The following RBMS3 variants were observed in gnomAD, a reference collection of about 807,000 sequenced individuals.
RBMS3 encodes the protein RNA binding motif single stranded interacting protein 3.
Under a neutral mutation model 66.8 loss-of-function variants are expected in RBMS3, and 27 were observed. That is an observed-to-expected ratio of 0.40 (90% CI 0.30 to 0.56). RBMS3 has a LOEUF of 0.56. Among genes scored for constraint, RBMS3 ranks in the 20% least tolerant of loss-of-function variants. The pLI is 0.40. For missense variants in RBMS3, 513 were observed against 549.5 expected, an observed-to-expected ratio of 0.93 and a Z score of 0.66; for synonymous variants, 188 against 183.0, an observed-to-expected ratio of 1.03 and a Z score of -0.22.
intron 12 of RBMS3, among the ~76,000 whole-genome samples, chr3:29,950,574 T>G (rs989465654): frequency 7.2e-5 from 11 of 151,864 alleles, no homozygotes; most frequent in Non-Finnish European, 1.5e-5. Flanking sequence ...GCCAGAGGCA[T>G]GCGAGAGACA....
At chr3:29,681,725 G>C (rs2051506059) in intron 4 of RBMS3, among the ~76,000 whole-genome samples, 1 of 152,280 alleles carries the variant, frequency 6.6e-6, no homozygotes, top group South Asian at 2.1e-4. Context: ...TGGTGTATAT[G>C]TACCACATTT....
Position 29,535,706 on chromosome 3 carries a change from T to A in RBMS3, c.307+47207T>A, listed in dbSNP as rs535473203. 2.1e-3 allele frequency among the ~76,000 whole-genome samples: 290 copies of A among 138,854 alleles called. 2 individuals are homozygous for A. The highest frequency in any genetic ancestry group is 7.6e-3 in the African/African-American group (280 of 36,634). The allele number at this position is 138,854 out of a possible 152,430, so 91.1% of individuals were successfully genotyped here. On this transcript the variant is annotated intron_variant, in intron 3 of 14. Coordinates refer to ENST00000383767, the MANE Select transcript of RBMS3 (RefSeq NM_001003793.3). ...GTATGAGTTCAATGATTGAGATCAT[T>A]GCTCTTTTTTTTTTTTTTTTTTTTT...
intron 6 of RBMS3, among the ~76,000 whole-genome samples, chr3:29,780,039 G>A (rs1426256521): frequency 6.6e-6 from 1 of 151,660 alleles, no homozygotes; most frequent in Non-Finnish European, 1.5e-5. Context: ...GGAATATTCT[G>A]GAGAAGCATC....
intron 4 of RBMS3, among the ~76,000 whole-genome samples, chr3:29,643,589 A>G (rs2049806207): frequency 6.6e-6 from 1 of 152,070 alleles, no homozygotes; most frequent in Non-Finnish European, 1.5e-5. Flanking sequence ...TTGTGCAGGG[A>G]CAAATTAAGG....
intron 1 of RBMS3, among the ~76,000 whole-genome samples, chr3:29,406,449 C>T (rs755052682): frequency 5.9e-5 from 9 of 152,164 alleles, no homozygotes; most frequent in Non-Finnish European, 1.3e-4. Context: ...ACTGCTACAA[C>T]TCCCTGAATG....
intron 7 of RBMS3, among the ~76,000 whole-genome samples, chr3:29,870,919 G>A (rs1039305566): frequency 1.3e-5 from 2 of 151,986 alleles, no homozygotes; most frequent in African/African-American, 2.4e-5. Flanking sequence ...CAAATTTTTT[G>A]GTTTGGGGAT....
At chr3:29,403,991 A>G (rs114609536) in intron 1 of RBMS3, among the ~76,000 whole-genome samples, 2,904 of 152,180 alleles carry the variant, frequency 0.019, 53 homozygotes, top group Non-Finnish European at 0.026. Context: ...ATGTGGTATC[A>G]TCATAGATTG....
chr3:29,281,516 G>GT lies in RBMS3; in HGVS notation c.-160dup, dbSNP rs2031780624. The GT allele has an allele frequency of 4.0e-6, 2 of 502,260 alleles. No homozygotes were observed. The highest frequency in any genetic ancestry group is 7.0e-6 in the Non-Finnish European group (2 of 283,894). The allele number at this position is 502,260 out of a possible 1,614,324, so 31.1% of individuals were successfully genotyped here. On this transcript the variant is annotated 5_prime_UTR_variant, in exon 1 of 15. Transcript: ENST00000383767. ...TGGTGTGTGTTTTTTGTTTTGTTTTGTTTTTTAAAAAAATTCTTGCTGTGT... is the reference window on the plus strand; with the variant it reads ...TGGTGTGTGTTTTTTGTTTTGTTTTGTTTTTTTAAAAAAATTCTTGCTGTGT...
At chr3:29,701,811 G>C (rs950675415) in intron 4 of RBMS3, among the ~76,000 whole-genome samples, 1 of 151,500 alleles carries the variant, frequency 6.6e-6, no homozygotes, top group African/African-American at 2.4e-5. Flanking sequence ...CTCCCAGCGG[G>C]GCAGGGCTTG....
intron 5 of RBMS3, among the ~76,000 whole-genome samples, chr3:29,741,996 G>C (rs1473729717): frequency 1.3e-5 from 2 of 152,086 alleles, no homozygotes. Context: ...CTGAGGTATT[G>C]GGGGTTAGGA....
chr3:29,318,142 A>C (rs1274513240), intron 1 of RBMS3, among the ~76,000 whole-genome samples: 1 of 151,884 alleles, frequency 6.6e-6, no homozygotes, highest in African/African-American at 2.4e-5. Context: ...TATCAATCTA[A>C]TTAGAAAAAG....
intron 4 of RBMS3, among the ~76,000 whole-genome samples, chr3:29,703,560 A>G (rs1172126431): frequency 6.6e-6 from 1 of 152,176 alleles, no homozygotes; most frequent in African/African-American, 2.4e-5. Flanking sequence ...GTATTTGTAC[A>G]AGTAGTAGGT....
chr3:29,636,302 G>A (rs2049472401), intron 4 of RBMS3, among the ~76,000 whole-genome samples: 1 of 151,836 alleles, frequency 6.6e-6, no homozygotes, highest in Non-Finnish European at 1.5e-5. Context: ...TTAATTTGAA[G>A]TGACTCCAGC....
In RBMS3 at chr3:29,801,141, A is replaced by G. The variant is rs572492057; in HGVS notation, c.637+38152A>G. 3.3e-5 allele frequency among the ~76,000 whole-genome samples: 5 copies of G among 152,284 alleles called. No homozygotes were observed. In the South Asian group the frequency reaches 6.2e-4, roughly 19 times the overall value. On this transcript the variant is annotated intron_variant, in intron 6 of 14. Transcript: ENST00000383767. Reference sequence around the variant, plus strand: ...AGTTTTACATTATTTATTTAAAGCCATATCAGAAGCCAAAACTGTAATGTT... The same window carrying G: ...AGTTTTACATTATTTATTTAAAGCCGTATCAGAAGCCAAAACTGTAATGTT...
chr3:29,364,887 G>T (rs538898093), intron 1 of RBMS3, among the ~76,000 whole-genome samples: 4 of 152,188 alleles, frequency 2.6e-5, no homozygotes, highest in Admixed American at 2.6e-4. Flanking sequence ...AGTTTTGCCA[G>T]CATAATGAGT....
chr3:29,997,040 AAG>A (rs555124493), intron 14 of RBMS3, among the ~76,000 whole-genome samples: 13 of 151,774 alleles, frequency 8.6e-5, no homozygotes, highest in African/African-American at 3.2e-4. Flanking sequence ...TAAAGAAAAA[AAG>A]AGAGAAGAAT....
At chr3:29,494,173 A>G (rs2043654117) in intron 3 of RBMS3, among the ~76,000 whole-genome samples, 1 of 152,216 alleles carries the variant, frequency 6.6e-6, no homozygotes, top group Non-Finnish European at 1.5e-5. Flanking sequence ...CTCCTTAGAG[A>G]TAAAAAGAAA....
intron 1 of RBMS3, among the ~76,000 whole-genome samples, chr3:29,414,252 G>A (rs2040388543): frequency 6.6e-6 from 1 of 152,124 alleles, no homozygotes; most frequent in South Asian, 2.1e-4. Flanking sequence ...GAGCTACCTG[G>A]TTAACAAATT....
chr3:29,944,376 C>A, intron 12 of RBMS3, 122 bp downstream of exon 12: 1 of 777,128 alleles, frequency 1.3e-6, no homozygotes, highest in Non-Finnish European at 2.2e-6. Context: ...AATTTGAATT[C>A]CAGTTTGCAA....
Sources: gnomAD v4.1 joint callset for allele counts (sites outside exome capture counted in the v4.1 genomes callset) on GRCh38, gnomAD v4.1.1 for gene constraint, MANE v1.5 for transcripts, NCBI Gene and HGNC (gene_info 2026-07-23, HGNC 2026-07-21) for gene names.